Variants in GATC observed in about 807,000 individuals in gnomAD.
GATC encodes the protein glutamyl-tRNA(Gln) amidotransferase subunit C, mitochondrial.
Under a neutral mutation model 14.4 loss-of-function variants are expected in GATC, and 11 were observed. The ratio of observed to expected loss-of-function variants is 0.77; its 90% CI spans 0.48 to 1.27. The LOEUF (loss-of-function observed/expected upper bound fraction) is 1.27, where lower values mean the gene tolerates loss of function less well. Ranked by LOEUF, GATC falls within the 50% of genes most tolerant of loss-of-function variation. The probability of loss-of-function intolerance (pLI) is 0.00; values close to 1 mark genes in which losing one functional copy is unlikely to be tolerated. For missense variants in GATC, 204 were observed against 183.0 expected (o/e 1.11, Z -0.66); for synonymous variants, 76 against 79.3 (o/e 0.96, Z 0.22).
chr12:120,457,595 A>T (rs1450613394), intron 3 of GATC, among the ~76,000 whole-genome samples: 1 of 147,514 alleles, frequency 6.8e-6, no homozygotes, highest in Non-Finnish European at 1.5e-5. Flanking sequence ...CCTTTCCTAA[A>T]AGAATCCTTT....
intron 2 of GATC, among the ~76,000 whole-genome samples, chr12:120,451,875 CTTTTTT>C (rs1170221029): frequency 1.1e-5 from 1 of 90,840 alleles, no homozygotes. Context: ...TATATAAATT[CTTTTTT>C]TTTTTTTTTT....
At chr12:120,451,779 G>A (rs1390664923) in intron 2 of GATC, among the ~76,000 whole-genome samples, 2 of 151,316 alleles carry the variant, frequency 1.3e-5, no homozygotes, top group Non-Finnish European at 2.9e-5. Context: ...GCCTTGACTG[G>A]CTAATAGAAA....
chr12:120,455,761 C>T (rs1878167158), intron 2 of GATC, among the ~76,000 whole-genome samples: 1 of 152,106 alleles, frequency 6.6e-6, no homozygotes, highest in Non-Finnish European at 1.5e-5. Flanking sequence ...TCTCGGCTCA[C>T]TGCAAGCTCC....
chr12:120,454,303 ATTTC>A (rs1002026439), intron 2 of GATC, among the ~76,000 whole-genome samples: 2 of 152,200 alleles, frequency 1.3e-5, no homozygotes, highest in African/African-American at 4.8e-5. Context: ...TTTTTTTAAC[ATTTC>A]ATTTAATCTT....
intron 2 of GATC, among the ~76,000 whole-genome samples, chr12:120,453,815 CA>C (rs1194329326): frequency 9.7e-4 from 132 of 136,262 alleles, no homozygotes; most frequent in Middle Eastern, 3.7e-3. Context: ...GACCCTGTCT[CA>C]AAAAAAAAAA....
In GATC at chr12:120,462,062, C is replaced by T. The variant is rs750984394; in HGVS notation, c.*2103C>T. 1 of 1,611,884 alleles carries T rather than the reference C, an allele frequency of 6.2e-7. No individual in the cohort carries two copies. The highest frequency in any genetic ancestry group is 8.5e-7 in the Non-Finnish European group (1 of 1,179,858). On this transcript the variant is annotated 3_prime_UTR_variant, in exon 4 of 4. Coordinates refer to ENST00000551765, the MANE Select transcript of GATC (RefSeq NM_176818.3). ...AGAGAAGTAGTGTGGGGAACCCCTG[C>T]TTTGGTATGGAGAGTCACGGCCCCT...
rs946400195 is a variant in GATC at position 120,463,255 on chromosome 12, C to G, written c.*3296C>G. 6.6e-6 allele frequency: 1 copy of G among 152,124 alleles called. No homozygotes were observed. The highest frequency in any genetic ancestry group is 6.5e-5 in the Admixed American group (1 of 15,272). The allele number at this position is 152,124 out of a possible 1,614,324, so 9.4% of individuals were successfully genotyped here. ...AAGAACTACTGAGTCTGAAGGGTGACATAATCAACCACAAGAAAATGTTAC... is the reference window on the plus strand; with the variant it reads ...AAGAACTACTGAGTCTGAAGGGTGAGATAATCAACCACAAGAAAATGTTAC... On this transcript the variant is annotated 3_prime_UTR_variant, in exon 4 of 4. Transcript: ENST00000551765.
At position 120,459,757 on chromosome 12, in the gene GATC, G is replaced by A. The variant is rs985762238; in HGVS notation, c.359-150G>A. 3 of 471,040 alleles carry A rather than the reference G, an allele frequency of 6.4e-6. No homozygotes were observed. In the Admixed American group the frequency reaches 1.1e-4, roughly 17 times the overall value. 29.2% of individuals were successfully genotyped at this position (471,040 alleles called of 1,614,324 possible). ...TGTAGTCCCAGCTACTCTGGAGGCC[G>A]AGGCAGGAGAATGGCGTGAACCCCA... On this transcript the variant is annotated intron_variant, in intron 3 of 3. Coordinates refer to ENST00000551765, the MANE Select transcript of GATC (RefSeq NM_176818.3).
chr12:120,463,648 A>G lies in GATC; in HGVS notation c.*3689A>G, dbSNP rs559786056. The G allele has an allele frequency of 1.4e-5, 3 of 218,302 alleles. No homozygotes were observed. Among genetic ancestry groups the G allele is most frequent in the African/African-American group, 6.8e-5 (3 of 43,846 alleles). 13.5% of individuals were successfully genotyped at this position (218,302 alleles called of 1,614,324 possible). On this transcript the variant is annotated 3_prime_UTR_variant, in exon 4 of 4. Transcript: ENST00000551765. ...TTAAGCTGGTTGTGAATGGGGTGGT[A>G]TGAAGACCGACTGCACTAGTATTCT... is the stretch of plus-strand genomic sequence containing the variant.
At position 120,450,159 on chromosome 12, in the gene GATC, A is replaced by ATAAC. The variant is rs1655902479; in HGVS notation, c.254+3331_254+3334dup. Among the ~76,000 whole-genome samples, 2 of 152,226 alleles carry ATAAC rather than the reference A, an allele frequency of 1.3e-5. 1 individual carries two copies. Among genetic ancestry groups the ATAAC allele is most frequent in the South Asian group, 4.1e-4 (2 of 4,832 alleles). On this transcript the variant is annotated intron_variant, in intron 2 of 3. Transcript: ENST00000551765. ...ATCTAGAGGGTAAATACAAAGAAAT[A>ATAAC]TAACCATCATTAATAAGGGAAAAGG...
At position 120,462,024 on chromosome 12, in the gene GATC, A is replaced by C; in HGVS notation, c.*2065A>C. 1 of 1,608,770 alleles carries C rather than the reference A, an allele frequency of 6.2e-7. No individual in the cohort carries two copies. The highest frequency in any genetic ancestry group is 8.5e-7 in the Non-Finnish European group (1 of 1,178,178). ...AAAAATTCCCATCACCTGTCTCAGT[A>C]GGGCCTGAAAGGAGAGAAGTAGTGT... On this transcript the variant is annotated 3_prime_UTR_variant, in exon 4 of 4. Coordinates refer to ENST00000551765, the MANE Select transcript of GATC (RefSeq NM_176818.3).
intron 2 of GATC, among the ~76,000 whole-genome samples, chr12:120,453,778 T>G (rs1041471012): frequency 6.6e-6 from 1 of 151,358 alleles, no homozygotes; most frequent in Non-Finnish European, 1.5e-5. Context: ...GCCCAGAAGT[T>G]TGAGACCAGC....
At position 120,459,890 on chromosome 12, in the gene GATC, T is replaced by C; in HGVS notation, c.359-17T>C. On this transcript the variant is annotated splice_polypyrimidine_tract_variant and intron_variant, in intron 3 of 3. Transcript: ENST00000551765. ...CAAACAAACAAACAAAAATTCTCTT[T>C]TGTTATTTTCAAACAGGTAATATCT... The C allele has an allele frequency of 2.5e-6, 4 of 1,604,920 alleles. No homozygotes were observed. The highest frequency in any genetic ancestry group is 1.7e-4 in the Middle Eastern group (1 of 5,990).
intron 2 of GATC, among the ~76,000 whole-genome samples, chr12:120,455,405 G>A (rs1487778800): frequency 6.6e-6 from 1 of 152,008 alleles, no homozygotes; most frequent in Non-Finnish European, 1.5e-5. Context: ...CTGAATTCAG[G>A]TGATCCACCC....
chr12:120,454,697 G>A (rs1878133723), intron 2 of GATC, among the ~76,000 whole-genome samples: 1 of 151,812 alleles, frequency 6.6e-6, no homozygotes, highest in Non-Finnish European at 1.5e-5. Flanking sequence ...TCACAGGCAT[G>A]AGGCACCGCG....
At chr12:120,455,343 AT>A (rs1390754011) in intron 2 of GATC, among the ~76,000 whole-genome samples, 1 of 151,238 alleles carries the variant, frequency 6.6e-6, no homozygotes, top group African/African-American at 2.4e-5. Context: ...TAGTTTTTGT[AT>A]TTTTAGTAGA....
At chr12:120,450,460 T>C (rs972734335) in intron 2 of GATC, 11 of 152,312 alleles carry the variant, frequency 7.2e-5, no homozygotes, top group African/African-American at 9.7e-5. Flanking sequence ...ACACTGACTG[T>C]AGATTTGTGA....
chr12:120,452,569 T>C (rs886795379), intron 2 of GATC, among the ~76,000 whole-genome samples: 3 of 152,162 alleles, frequency 2.0e-5, no homozygotes, highest in African/African-American at 7.2e-5. Context: ...TTTTTCTTTG[T>C]TACTTTTTTT....
intron 2 of GATC, chr12:120,454,860 A>C (rs1592985741): frequency 9.1e-6 from 2 of 219,638 alleles, no homozygotes; most frequent in East Asian, 1.1e-4. Context: ...TGTTATTCAA[A>C]AAAAAAAAAA....
Sources: allele counts gnomAD v4.1 joint callset (sites outside exome capture counted in the v4.1 genomes callset), GRCh38; gene constraint gnomAD v4.1.1; transcripts MANE v1.5; gene names NCBI Gene and HGNC (gene_info 2026-07-23, HGNC 2026-07-21).